Variants in CLEC16A observed in about 807,000 individuals in gnomAD.
The protein encoded by CLEC16A is C-type lectin domain containing 16A.
A neutral mutation model predicts 109.5 loss-of-function variants in CLEC16A; 51 were observed. That is an observed-to-expected ratio of 0.47 (90% CI 0.37 to 0.59). CLEC16A has a LOEUF of 0.59. CLEC16A is among the 20% of genes least tolerant of loss of function. CLEC16A has a pLI of 0.00. For synonymous variants in CLEC16A, 673 were observed against 564.2 expected, an observed-to-expected ratio of 1.19 and a Z score of -2.73; for missense variants, 1,339 against 1,394.0, an observed-to-expected ratio of 0.96 and a Z score of 0.63.
chr16:10,961,183 A>G lies in CLEC16A; in HGVS notation c.210-1272A>G, dbSNP rs568603892. On this transcript the variant is annotated intron_variant, in intron 2 of 23. Transcript: ENST00000409790. This position sits in a 1 kb window ranked among gnomAD's most constrained non-coding sequence, Gnocchi z 4.3. ...TGCAGCTTGAACTGAAGGTAGACAA[A>G]AATAGGCCAAATGACAGAAATACTC... 6.6e-6 allele frequency among the ~76,000 whole-genome samples: 1 copy of G among 152,348 alleles called. No individual in the cohort carries two copies. Among genetic ancestry groups the G allele is most frequent in the South Asian group, 2.1e-4 (1 of 4,832 alleles).
chr16:10,993,743 AG>A (rs34338367), intron 10 of CLEC16A, among the ~76,000 whole-genome samples: 4,196 of 152,312 alleles, frequency 0.028, 92 homozygotes, highest in Non-Finnish European at 0.045. Flanking sequence ...GTCATTGTTT[AG>A]TAAGGGAGTG....
intron 22 of CLEC16A, among the ~76,000 whole-genome samples, chr16:11,143,747 TTCATGCATTAGC>T (rs1355859405): frequency 5.3e-5 from 8 of 152,194 alleles, no homozygotes. Flanking sequence ...GCATCTTCCA[TTCATGCATTAGC>T]TCATCGTCAG....
At chr16:11,131,222 C>T (rs562851150) in intron 22 of CLEC16A, among the ~76,000 whole-genome samples, 1 of 152,150 alleles carries the variant, frequency 6.6e-6, no homozygotes. Context: ...GCTTTGAGTG[C>T]CATGTTGCTG....
intron 17 of CLEC16A, 120 bp from the exon 18 acceptor site, chr16:11,051,393 A>G (rs2047932337): frequency 3.0e-6 from 3 of 1,007,598 alleles, no homozygotes; most frequent in Admixed American, 4.3e-5. Flanking sequence ...CAGGATTTAG[A>G]TCACTCATTT....
intron 22 of CLEC16A, among the ~76,000 whole-genome samples, chr16:11,127,931 G>T (rs1486593522): frequency 6.6e-6 from 1 of 152,212 alleles, no homozygotes; most frequent in Non-Finnish European, 1.5e-5. Context: ...CCTGTTTTCA[G>T]TGATGAAATG....
intron 17 of CLEC16A, among the ~76,000 whole-genome samples, chr16:11,049,906 TG>T: frequency 6.6e-6 from 1 of 152,214 alleles, no homozygotes; most frequent in Non-Finnish European, 1.5e-5. Context: ...CTCAGGCTTC[TG>T]GAGGAAAGTA....
intron 19 of CLEC16A, among the ~76,000 whole-genome samples, chr16:11,116,967 G>A (rs1407283453): frequency 6.6e-6 from 1 of 152,226 alleles, no homozygotes; most frequent in Non-Finnish European, 1.5e-5. Context: ...TGAAGAAAAT[G>A]TAGTACGTAT....
At chr16:11,145,153 T>C (rs557779273) in intron 22 of CLEC16A, among the ~76,000 whole-genome samples, 1 of 152,258 alleles carries the variant, frequency 6.6e-6, no homozygotes, top group South Asian at 2.1e-4. Context: ...CGATTACCTG[T>C]CCTGGACTTG....
intron 19 of CLEC16A, among the ~76,000 whole-genome samples, chr16:11,074,335 T>C (rs889487707): frequency 5.9e-5 from 9 of 152,362 alleles, no homozygotes; most frequent in Middle Eastern, 3.4e-3. Context: ...TGATGAATAA[T>C]GTTGCTGGCC....
chr16:11,140,175 C>T (rs979002100), intron 22 of CLEC16A, among the ~76,000 whole-genome samples: 1 of 152,124 alleles, frequency 6.6e-6, no homozygotes, highest in Non-Finnish European at 1.5e-5. Flanking sequence ...CCTACGTGCC[C>T]CTTTGTTGTG....
chr16:11,020,340 G>A lies in CLEC16A; in HGVS notation c.1436+15G>A, dbSNP rs2152802434. On this transcript the variant is annotated intron_variant, in intron 12 of 23. Transcript: ENST00000409790. ...CAATGGAGCAGGTAGCTGCCCGAGA[G>A]GTCGATGCTGAGTGCTCTCTCAGGG... 1 of 1,596,110 alleles carries A rather than the reference G, an allele frequency of 6.3e-7. No homozygotes were observed. The highest frequency in any genetic ancestry group is 8.5e-7 in the Non-Finnish European group (1 of 1,171,552).
At chr16:11,138,501 G>T (rs2053673277) in intron 22 of CLEC16A, among the ~76,000 whole-genome samples, 1 of 152,238 alleles carries the variant, frequency 6.6e-6, no homozygotes, top group Non-Finnish European at 1.5e-5. Flanking sequence ...CTGGAGTTGG[G>T]AAGGGCAGAG....
At chr16:11,024,744 C>G (rs552655485) in intron 12 of CLEC16A, 77 bp from the exon 13 acceptor site, 14 of 1,133,028 alleles carry the variant, frequency 1.2e-5, no homozygotes, top group Non-Finnish European at 1.6e-5. Flanking sequence ...CAGCTAGCAC[C>G]CCATGTGCAG....
chr16:11,171,952 A>C (rs2068530871), intron 23 of CLEC16A, among the ~76,000 whole-genome samples: 3 of 152,098 alleles, frequency 2.0e-5, no homozygotes, highest in Non-Finnish European at 4.4e-5. Flanking sequence ...ACAAGTGTGC[A>C]TGCATAGTCA....
chr16:11,149,593 ACCAG>A (rs1312268699), intron 22 of CLEC16A, among the ~76,000 whole-genome samples: 3 of 152,114 alleles, frequency 2.0e-5, no homozygotes, highest in Admixed American at 6.5e-5. Flanking sequence ...AGAGTTCAAG[ACCAG>A]CCTGAGCAAC....
intron 22 of CLEC16A, among the ~76,000 whole-genome samples, chr16:11,163,127 A>T (rs549807881): frequency 6.6e-6 from 1 of 152,204 alleles, no homozygotes; most frequent in Non-Finnish European, 1.5e-5. Context: ...TGCCAAAGCT[A>T]GTTCATCAGG....
intron 22 of CLEC16A, among the ~76,000 whole-genome samples, chr16:11,132,083 A>T (rs1300596432): frequency 6.6e-6 from 1 of 152,134 alleles, no homozygotes; most frequent in Admixed American, 6.5e-5. Flanking sequence ...GTGAAATTTA[A>T]CACAACATAA....
chr16:11,133,991 T>C (rs907731529), intron 22 of CLEC16A, among the ~76,000 whole-genome samples: 2 of 152,160 alleles, frequency 1.3e-5, no homozygotes, highest in Non-Finnish European at 2.9e-5. Flanking sequence ...CTAAGCACTT[T>C]ATGCATTATT....
chr16:10,977,507 T>A (rs575535296), intron 8 of CLEC16A, 108 bp downstream of exon 8: 1 of 1,003,782 alleles, frequency 1.0e-6, no homozygotes, highest in East Asian at 2.7e-5. Flanking sequence ...GGACTGAGGT[T>A]TTTTTTTTGT....
Sources: allele counts gnomAD v4.1 joint callset (sites outside exome capture counted in the v4.1 genomes callset), GRCh38; gene constraint gnomAD v4.1.1; non-coding constraint Gnocchi (gnomAD v3.1); transcripts MANE v1.5; gene names NCBI Gene and HGNC (gene_info 2026-07-23, HGNC 2026-07-21).